Variants in BTBD1 observed in about 807,000 individuals in gnomAD.
BTBD1 encodes the protein BTB domain containing 1.
A neutral mutation model predicts 48.0 loss-of-function variants in BTBD1; 34 were observed. The observed-to-expected ratio is 0.71, with a 90% CI of 0.54 to 0.94. The LOEUF is 0.94. Ranked by LOEUF, BTBD1 falls within the 40% of genes least tolerant of loss-of-function variation. The pLI is 0.00. For synonymous variants in BTBD1, 261 were observed against 242.1 expected, an observed-to-expected ratio of 1.08 and a Z score of -0.72; for missense variants, 543 against 625.6, an observed-to-expected ratio of 0.87 and a Z score of 1.41.
chr15:83,034,090 CAAAAAAA>C (rs748026027), intron 4 of BTBD1, among the ~76,000 whole-genome samples: 8 of 67,180 alleles, frequency 1.2e-4, no homozygotes, highest in African/African-American at 3.8e-4. Flanking sequence ...CTGTCTACAC[CAAAAAAA>C]AAAAAAAAAA....
intron 3 of BTBD1, among the ~76,000 whole-genome samples, chr15:83,044,186 C>A (rs940732344): frequency 6.6e-6 from 1 of 152,152 alleles, no homozygotes; most frequent in Admixed American, 6.5e-5. Context: ...GTAACTGATA[C>A]TTAGTGAGCA....
chr15:83,019,482 C>T (rs1015587777), intron 6 of BTBD1, among the ~76,000 whole-genome samples: 8 of 151,910 alleles, frequency 5.3e-5, no homozygotes, highest in Admixed American at 1.3e-4. Flanking sequence ...TGAGCCACTG[C>T]GCCCAGACTG....
chr15:83,045,290 T>C (rs2032855114), intron 3 of BTBD1, among the ~76,000 whole-genome samples: 1 of 151,970 alleles, frequency 6.6e-6, no homozygotes, highest in Non-Finnish European at 1.5e-5. Flanking sequence ...AGGTCAGGAG[T>C]TCGAGACCAC....
intron 4 of BTBD1, among the ~76,000 whole-genome samples, chr15:83,035,208 C>T (rs1010465058): frequency 1.4e-4 from 21 of 152,106 alleles, no homozygotes; most frequent in East Asian, 9.7e-4. Context: ...GCAGGAGAAT[C>T]GTTGGACCCC....
chr15:83,044,449 T>C (rs2032835060), intron 3 of BTBD1: 4 of 1,573,070 alleles, frequency 2.5e-6, no homozygotes, highest in Non-Finnish European at 3.5e-6. Context: ...GGAGGAGGAG[T>C]GGGAACTGCT....
intron 1 of BTBD1, among the ~76,000 whole-genome samples, chr15:83,066,394 C>T (rs189013981): frequency 1.2e-3 from 185 of 152,324 alleles, no homozygotes; most frequent in African/African-American, 4.3e-3. Context: ...AAACATAAAA[C>T]TTCGCAAATG....
intron 4 of BTBD1, among the ~76,000 whole-genome samples, chr15:83,035,253 C>CA (rs2032603215): frequency 6.6e-6 from 1 of 152,102 alleles, no homozygotes; most frequent in Non-Finnish European, 1.5e-5. Flanking sequence ...AAGATCATGC[C>CA]ACTGCACTCC....
Position 83,020,752 on chromosome 15 carries a change from T to A in BTBD1, c.1066A>T (p.Asn356Tyr). The A allele has an allele frequency of 6.3e-7, 1 of 1,596,080 alleles. No homozygotes were observed. The highest frequency in any genetic ancestry group is 1.3e-5 in the African/African-American group (1 of 74,638). ...AATCCAACTATAGAGATCCTTCTAT[T>A]AACTGTGAATCTGAGAGAAAGAAGC... The part of the protein sequence containing the change: ...GTSDRIRFTV[N>Y]RRISIVGFGL... Residue 356 changes from asparagine to tyrosine, a missense_variant, in exon 6 of 8, where the codon AAT becomes TAT. Physicochemically the swap from Asn to Tyr is moderately radical, Grantham distance 143 (BLOSUM62 -2). Transcript: ENST00000261721.
chr15:83,047,480 A>C (rs1272397163), intron 3 of BTBD1, among the ~76,000 whole-genome samples: 7 of 152,320 alleles, frequency 4.6e-5, no homozygotes. Flanking sequence ...TATTTACCAA[A>C]GATGTTTTCT....
Position 83,066,900 on chromosome 15 carries a change from A to G in BTBD1, c.252T>C (p.Ala84=). 2 of 1,514,794 alleles carry G rather than the reference A, an allele frequency of 1.3e-6. No homozygotes were observed. Among genetic ancestry groups the G allele is most frequent in the Non-Finnish European group, 1.8e-6 (2 of 1,136,450 alleles). The allele number at this position is 1,514,794 out of a possible 1,614,324, so 93.8% of individuals were successfully genotyped here. The change falls in exon 1 of 8, where the codon GCT becomes GCC. Residue 84 remains alanine, a synonymous_variant. Coordinates refer to ENST00000261721, the MANE Select transcript of BTBD1 (RefSeq NM_025238.4). The part of the protein sequence containing the change: ...VLGKGRGAAA[A]GGPQRIPAHR... ...GGGCGGGGATGCGCTGCGGGCCCCC[A>G]GCGGCGGCGGCGCCGCGACCCTTGC...
Position 83,020,756 on chromosome 15 carries a change from T to A in BTBD1, c.1062A>T (p.Thr354=). 1 of 1,592,966 alleles carries A rather than the reference T, an allele frequency of 6.3e-7. No homozygotes were observed. The highest frequency in any genetic ancestry group is 8.6e-7 in the Non-Finnish European group (1 of 1,162,504). ...CAACTATAGAGATCCTTCTATTAAC[T>A]GTGAATCTGAGAGAAAGAAGCCAAA... The part of the protein sequence containing the change: ...YSGTSDRIRF[T]VNRRISIVGF... Residue 354 remains threonine (T), a synonymous_variant, in exon 6 of 8, where the codon ACA becomes ACT. Transcript: ENST00000261721.
chr15:83,045,849 G>T (rs1016211703), intron 3 of BTBD1, among the ~76,000 whole-genome samples: 79 of 151,786 alleles, frequency 5.2e-4, no homozygotes, highest in African/African-American at 1.8e-3. Context: ...AATAACTTCC[G>T]CAGAGATAAA....
At chr15:83,050,030 A>G in intron 3 of BTBD1, 43 bp downstream of exon 3, 1 of 1,235,616 alleles carries the variant, frequency 8.1e-7, no homozygotes. Flanking sequence ...GTAAGGCATT[A>G]ACTGTACTTA....
chr15:83,059,933 GTTTA>G (rs1325860555), intron 1 of BTBD1, among the ~76,000 whole-genome samples: 1 of 152,142 alleles, frequency 6.6e-6, no homozygotes, highest in Non-Finnish European at 1.5e-5. Context: ...CTTGACTCTA[GTTTA>G]TTTCTTACCC....
At chr15:83,058,327 T>C (rs937450959) in intron 1 of BTBD1, among the ~76,000 whole-genome samples, 8 of 152,274 alleles carry the variant, frequency 5.3e-5, no homozygotes, top group Admixed American at 4.6e-4. Context: ...TTCCAACCTC[T>C]CTTTTTCTCT....
intron 2 of BTBD1, among the ~76,000 whole-genome samples, chr15:83,051,580 G>A (rs2032982875): frequency 6.6e-6 from 1 of 151,034 alleles, no homozygotes; most frequent in African/African-American, 2.4e-5. Context: ...CACTGAGCCT[G>A]TTTACAATAA....
intron 1 of BTBD1, among the ~76,000 whole-genome samples, chr15:83,063,595 C>T (rs924186638): frequency 1.3e-5 from 2 of 152,116 alleles, no homozygotes; most frequent in Non-Finnish European, 2.9e-5. Flanking sequence ...AAATGTAAAT[C>T]AGATCACAAC....
intron 1 of BTBD1, among the ~76,000 whole-genome samples, chr15:83,065,946 A>T (rs1369615215): frequency 6.6e-6 from 1 of 152,118 alleles, no homozygotes; most frequent in East Asian, 1.9e-4. Flanking sequence ...CTGTTTTCGT[A>T]TTTACTTTCC....
At chr15:83,046,664 A>C (rs2032885427) in intron 3 of BTBD1, among the ~76,000 whole-genome samples, 1 of 152,208 alleles carries the variant, frequency 6.6e-6, no homozygotes, top group Admixed American at 6.5e-5. Context: ...AGCTACCCTA[A>C]CAGGGAGGAA....
Sources: allele counts gnomAD v4.1 joint callset (sites outside exome capture counted in the v4.1 genomes callset), GRCh38; gene constraint gnomAD v4.1.1; transcripts MANE v1.5; gene names NCBI Gene and HGNC (gene_info 2026-07-23, HGNC 2026-07-21).